GRM3: variants seen among roughly 807,000 people sequenced by gnomAD.
The protein encoded by GRM3 is metabotropic glutamate receptor 3.
A neutral mutation model predicts 70.5 loss-of-function variants in GRM3; 26 were observed. That is an observed-to-expected ratio of 0.37 (90% CI 0.27 to 0.51). GRM3 has a LOEUF of 0.51. Ranked by LOEUF, GRM3 falls within the 20% of genes least tolerant of loss-of-function variation. GRM3 has a pLI of 0.93. For missense variants in GRM3, 859 were observed against 1,123.8 expected (o/e 0.76, Z 3.37); for synonymous variants, 443 against 434.9 (o/e 1.02, Z -0.23).
chr7:86,749,486 G>C (rs1425553944), intron 1 of GRM3, among the ~76,000 whole-genome samples: 2 of 152,018 alleles, frequency 1.3e-5, no homozygotes, highest in Non-Finnish European at 2.9e-5. Context: ...TAAGCCACAA[G>C]TAAAAGAAAC....
At chr7:86,645,389 C>T (rs1793433482) in intron 1 of GRM3, among the ~76,000 whole-genome samples, 1 of 152,164 alleles carries the variant, frequency 6.6e-6, no homozygotes, top group Non-Finnish European at 1.5e-5. Flanking sequence ...TGCCCTCCCG[C>T]AAGCAGGGTT....
At chr7:86,802,889 C>T (rs760407333) in intron 3 of GRM3, among the ~76,000 whole-genome samples, 2 of 152,128 alleles carry the variant, frequency 1.3e-5, no homozygotes, top group Non-Finnish European at 2.9e-5. Context: ...GCACACATCA[C>T]AAATCAAGTT....
chr7:86,686,230 A>T (rs1794564307), intron 1 of GRM3, among the ~76,000 whole-genome samples: 1 of 152,164 alleles, frequency 6.6e-6, no homozygotes, highest in Admixed American at 6.6e-5. Context: ...TTCTCCATAG[A>T]CACGCTCCAG....
chr7:86,678,437 C>T (rs1471472858), intron 1 of GRM3, among the ~76,000 whole-genome samples: 1 of 152,014 alleles, frequency 6.6e-6, no homozygotes, highest in African/African-American at 2.4e-5. Context: ...TACGTTAACG[C>T]CGCCTCTCTT....
rs193003113 is a variant in GRM3, at chr7:86,797,742, T to C, written c.1324+10626T>C. On this transcript the variant is annotated intron_variant, in intron 3 of 5. Transcript: ENST00000361669. ...TTGCTAAGACAATTGGGAAAATATCTCCAGGACATGTCAGAGACCTTCACA... is the reference window on the plus strand; with the variant it reads ...TTGCTAAGACAATTGGGAAAATATCCCCAGGACATGTCAGAGACCTTCACA... 2.3e-4 allele frequency among the ~76,000 whole-genome samples: 35 copies of C among 152,272 alleles called. 1 individual carries two copies. In the East Asian group the frequency reaches 6.4e-3, roughly 28 times the overall value.
rs577660090 is a variant in GRM3 at position 86,861,904 on chromosome 7, G to A, written c.2567-2378G>A. On this transcript the variant is annotated intron_variant, in intron 5 of 5. Transcript: ENST00000361669. ...GAGTGGAAACAGACAGGCCAGTGGT[G>A]CAGCTCTTGCAATGATCAGGAGAAA... Among the ~76,000 whole-genome samples, 6 of 152,320 alleles carry A rather than the reference G, an allele frequency of 3.9e-5. No individual in the cohort carries two copies. The East Asian group carries it at 7.7e-4, about 20-fold the overall frequency.
intron 3 of GRM3, among the ~76,000 whole-genome samples, chr7:86,793,493 C>T (rs1797474565): frequency 6.6e-6 from 1 of 152,202 alleles, no homozygotes; most frequent in African/African-American, 2.4e-5. Context: ...AGCACAGAAA[C>T]TTGTTCCAGC....
chr7:86,813,889 C>T (rs1261084159), intron 3 of GRM3, among the ~76,000 whole-genome samples: 1 of 151,732 alleles, frequency 6.6e-6, no homozygotes, highest in Non-Finnish European at 1.5e-5. Context: ...CTAAAGGATG[C>T]ATGCAGAGAC....
chr7:86,689,679 G>T (rs1370153398), intron 1 of GRM3, among the ~76,000 whole-genome samples: 1 of 151,880 alleles, frequency 6.6e-6, no homozygotes, highest in African/African-American at 2.4e-5. Context: ...AATGTGAATA[G>T]CTATAAGAAG....
At chr7:86,734,860 C>T (rs1795818812) in intron 1 of GRM3, among the ~76,000 whole-genome samples, 1 of 152,146 alleles carries the variant, frequency 6.6e-6, no homozygotes, top group African/African-American at 2.4e-5. Flanking sequence ...AATGAAGTCA[C>T]AATTTTTTCT....
At chr7:86,737,861 T>C (rs1315572286) in intron 1 of GRM3, among the ~76,000 whole-genome samples, 1 of 152,136 alleles carries the variant, frequency 6.6e-6, no homozygotes, top group Non-Finnish European at 1.5e-5. Flanking sequence ...CAGCTATCAA[T>C]CTATAAGCTG....
intron 3 of GRM3, among the ~76,000 whole-genome samples, chr7:86,826,484 G>C (rs1798237171): frequency 6.6e-6 from 1 of 152,114 alleles, no homozygotes; most frequent in Non-Finnish European, 1.5e-5. Context: ...TGACTGTTGG[G>C]GTAAGGTGGG....
intron 3 of GRM3, among the ~76,000 whole-genome samples, chr7:86,798,093 G>A (rs896108057): frequency 1.3e-5 from 2 of 152,240 alleles, no homozygotes; most frequent in East Asian, 1.9e-4. Flanking sequence ...TGCTGCAGGG[G>A]TGGAGCCTTC....
chr7:86,668,891 G>A (rs1402413810), intron 1 of GRM3, among the ~76,000 whole-genome samples: 4 of 152,148 alleles, frequency 2.6e-5, no homozygotes, highest in African/African-American at 9.7e-5. Flanking sequence ...TTTCCCTTGA[G>A]CGTGAAATTT....
chr7:86,644,939 C>G (rs1793419923), intron 1 of GRM3, 67 bp downstream of exon 1: 1 of 845,346 alleles, frequency 1.2e-6, no homozygotes, highest in Admixed American at 2.5e-5. Context: ...AGCTCGGGTG[C>G]CGCGTGGGGC....
intron 3 of GRM3, among the ~76,000 whole-genome samples, chr7:86,817,029 A>G (rs57514597): frequency 0.017 from 2,527 of 151,996 alleles, 73 homozygotes; most frequent in African/African-American, 0.057. Context: ...GAAACTGAAA[A>G]AAACAGTTGG....
intron 1 of GRM3, among the ~76,000 whole-genome samples, chr7:86,719,591 G>A (rs2116219762): frequency 6.6e-6 from 1 of 152,122 alleles, no homozygotes; most frequent in South Asian, 2.1e-4. Context: ...TTTATAACTT[G>A]AGAATAAATC....
chr7:86,766,123 C>T lies in GRM3; in HGVS notation c.468+510C>T, dbSNP rs532409147. 7.9e-4 allele frequency among the ~76,000 whole-genome samples: 120 copies of T among 152,206 alleles called. 1 individual carries two copies. The highest frequency in any genetic ancestry group is 2.8e-3 in the African/African-American group (118 of 41,550). On this transcript the variant is annotated intron_variant, in intron 2 of 5. Coordinates refer to ENST00000361669, the MANE Select transcript of GRM3 (RefSeq NM_000840.3). Reference sequence around the variant, plus strand: ...GCAAAAGCAACTCACAGGGCTCAATCCAGAGTGAAGGAGCTGGTAAGTATG... The same window carrying T: ...GCAAAAGCAACTCACAGGGCTCAATTCAGAGTGAAGGAGCTGGTAAGTATG...
rs1442587227 is a variant in GRM3 at position 86,839,184 on chromosome 7, C to A, written c.1670C>A (p.Ala557Glu). The A allele has an allele frequency of 3.7e-6, 6 of 1,613,182 alleles. No individual in the cohort carries two copies. Among genetic ancestry groups the A allele is most frequent in the Non-Finnish European group, 5.1e-6 (6 of 1,179,230 alleles). Residue 557 changes from alanine to glutamate, a missense_variant, in exon 4 of 6, where the codon GCA becomes GAA. Transcript: ENST00000361669. The surrounding 1 kb of genome is among the most constrained non-coding windows in gnomAD (Gnocchi z 4.5). ...MDCGSGQWPT[A>E]DLTGCYDLPE... ...TGTGGGTCTGGACAGTGGCCCACTG[C>A]AGACCTAACTGGATGCTATGACCTT...
Sources: allele counts gnomAD v4.1 joint callset (sites outside exome capture counted in the v4.1 genomes callset), GRCh38; gene constraint gnomAD v4.1.1; non-coding constraint Gnocchi (gnomAD v3.1); transcripts MANE v1.5; gene names NCBI Gene and HGNC (gene_info 2026-07-23, HGNC 2026-07-21).